Variants in PCDH15 observed in about 807,000 individuals in gnomAD.
PCDH15 encodes protocadherin-15.
A neutral mutation model predicts 178.5 loss-of-function variants in PCDH15; 129 were observed. The observed-to-expected ratio is 0.72, with a 90% CI of 0.63 to 0.84. The LOEUF (loss-of-function observed/expected upper bound fraction) is 0.84, where lower values mean the gene tolerates loss of function less well. Among genes scored for constraint, PCDH15 ranks in the 40% least tolerant of loss-of-function variants. The pLI, the probability that PCDH15 is intolerant of heterozygous loss-of-function variation, is 0.00. For synonymous variants in PCDH15, 800 were observed against 732.0 expected, an observed-to-expected ratio of 1.09 and a Z score of -1.50; for missense variants, 2,230 against 2,099.9, an observed-to-expected ratio of 1.06 and a Z score of -1.21.
intron 2 of PCDH15, among the ~76,000 whole-genome samples, chr10:54,646,295 T>C (rs2094128906): frequency 6.6e-6 from 1 of 152,098 alleles, no homozygotes; most frequent in Admixed American, 6.6e-5. Context: ...AAAACTCACG[T>C]AAATGAAAGG....
intron 2 of PCDH15, among the ~76,000 whole-genome samples, chr10:55,335,581 T>A (rs897251728): frequency 2.0e-5 from 3 of 152,080 alleles, no homozygotes; most frequent in African/African-American, 7.2e-5. Context: ...ATTAAGAAAG[T>A]TTAAAGAGAT....
chr10:54,859,614 T>C (rs1195362742), intron 3 of PCDH15, among the ~76,000 whole-genome samples: 2 of 152,016 alleles, frequency 1.3e-5, no homozygotes, highest in African/African-American at 2.4e-5. Flanking sequence ...CAGTCAAATA[T>C]AGAGAAACCA....
chr10:54,275,882 T>C (rs966087905), intron 8 of PCDH15, among the ~76,000 whole-genome samples: 2 of 151,668 alleles, frequency 1.3e-5, no homozygotes, highest in Non-Finnish European at 2.9e-5. Flanking sequence ...TAACAGAAAT[T>C]GCATTAACAA....
chr10:54,864,713 T>A (rs1182577304), intron 3 of PCDH15: 1 of 152,144 alleles, frequency 6.6e-6, no homozygotes. Flanking sequence ...TCCAAACTCA[T>A]TCAAATGATT....
intron 3 of PCDH15, among the ~76,000 whole-genome samples, chr10:54,410,695 C>T (rs1053712705): frequency 6.6e-6 from 1 of 152,100 alleles, no homozygotes; most frequent in African/African-American, 2.4e-5. Flanking sequence ...AAAATGGAAA[C>T]AGGAGGCCTC....
chr10:54,437,996 C>T (rs2075537240), intron 3 of PCDH15, among the ~76,000 whole-genome samples: 1 of 152,106 alleles, frequency 6.6e-6, no homozygotes, highest in African/African-American at 2.4e-5. Flanking sequence ...AACACACTTT[C>T]AATAAAATTG....
intron 15 of PCDH15, among the ~76,000 whole-genome samples, chr10:54,102,632 T>A (rs1291658396): frequency 6.6e-6 from 1 of 152,192 alleles, no homozygotes; most frequent in African/African-American, 2.4e-5. Flanking sequence ...TGTTTTTGAT[T>A]TACTATTTTT....
intron 2 of PCDH15, among the ~76,000 whole-genome samples, chr10:55,328,943 TATATA>T (rs1844115157): frequency 8.7e-6 from 1 of 114,692 alleles, no homozygotes; most frequent in South Asian, 2.6e-4. Context: ...TATATATATA[TATATA>T]TAAAATATAT....
chr10:54,861,798 T>C (rs1953847994), intron 3 of PCDH15, among the ~76,000 whole-genome samples: 2 of 152,168 alleles, frequency 1.3e-5, no homozygotes, highest in African/African-American at 4.8e-5. Context: ...ATAAAAACCC[T>C]AAAGATTCCT....
At chr10:53,899,631 T>C (rs548645397) in intron 26 of PCDH15, among the ~76,000 whole-genome samples, 29 of 152,318 alleles carry the variant, frequency 1.9e-4, no homozygotes, top group African/African-American at 6.7e-4. Context: ...CATTACCTAA[T>C]ATTGTATAGC....
At chr10:53,883,995 C>T (rs59299202) in intron 26 of PCDH15, among the ~76,000 whole-genome samples, 4,031 of 151,888 alleles carry the variant, frequency 0.027, 162 homozygotes, top group African/African-American at 0.09. Flanking sequence ...GGATTACAGG[C>T]GTGAGCCACT....
At chr10:55,436,189 C>A (rs1357444410) in intron 2 of PCDH15, among the ~76,000 whole-genome samples, 1 of 151,930 alleles carries the variant, frequency 6.6e-6, no homozygotes, top group African/African-American at 2.4e-5. Flanking sequence ...GAGGACTGAG[C>A]CTTGCAAATC....
intron 20 of PCDH15, among the ~76,000 whole-genome samples, chr10:54,004,723 A>G (rs1046631924): frequency 6.6e-6 from 1 of 152,130 alleles, no homozygotes; most frequent in African/African-American, 2.4e-5. Context: ...TAAAATGTCC[A>G]TACTACTCAA....
intron 2 of PCDH15, among the ~76,000 whole-genome samples, chr10:55,391,397 G>T (rs1358629964): frequency 1.3e-5 from 2 of 151,994 alleles, no homozygotes; most frequent in East Asian, 3.9e-4. Flanking sequence ...TTGATCTTCT[G>T]TTCGGATGAC....
intron 1 of PCDH15, among the ~76,000 whole-genome samples, chr10:55,299,264 C>G (rs546933714): frequency 6.6e-6 from 1 of 152,084 alleles, no homozygotes; most frequent in African/African-American, 2.4e-5. Context: ...CCCATCAATT[C>G]TCATGGAGGT....
rs546383494 is a variant in PCDH15 at position 54,678,102 on chromosome 10, A to T, written c.-28-13812T>A. 1.1e-4 allele frequency among the ~76,000 whole-genome samples: 17 copies of T among 152,344 alleles called. 1 individual carries two copies. The South Asian group carries it at 2.5e-3, about 22-fold the overall frequency. ...CTGTTGTTCAGGATTTTCTCAAAAG[A>T]GAAATATTCAGAAATATCAGGTAGT... is the stretch of plus-strand genomic sequence containing the variant. On this transcript the variant is annotated intron_variant, in intron 1 of 37. Coordinates refer to ENST00000644397, the MANE Select transcript of PCDH15 (RefSeq NM_001384140.1).
intron 2 of PCDH15, among the ~76,000 whole-genome samples, chr10:55,374,645 C>T (rs1281264052): frequency 6.6e-6 from 1 of 151,840 alleles, no homozygotes; most frequent in African/African-American, 2.4e-5. Context: ...AATATTAATA[C>T]TATTAGTATA....
intron 6 of PCDH15, among the ~76,000 whole-genome samples, chr10:54,340,201 C>T (rs1484142583): frequency 1.3e-5 from 2 of 152,144 alleles, no homozygotes; most frequent in African/African-American, 4.8e-5. Flanking sequence ...CTTAAACTTT[C>T]ATTTTTTTCT....
chr10:55,159,026 A>T (rs1201883985), intron 2 of PCDH15, among the ~76,000 whole-genome samples: 2 of 151,998 alleles, frequency 1.3e-5, no homozygotes, highest in African/African-American at 2.4e-5. Context: ...GGCAGTTATT[A>T]TTATCCTCAT....
Sources: gnomAD v4.1 joint callset for allele counts (sites outside exome capture counted in the v4.1 genomes callset) on GRCh38, gnomAD v4.1.1 for gene constraint, MANE v1.5 for transcripts, NCBI Gene and HGNC (gene_info 2026-07-23, HGNC 2026-07-21) for gene names.